Variants in STPG2 observed in about 807,000 individuals in gnomAD.
The protein encoded by STPG2 is sperm tail PG-rich repeat containing 2, also known as sperm-tail PG-rich repeat-containing protein 2.
STPG2 carries 56 observed loss-of-function variants against 54.2 expected under a neutral mutation model. That is an observed-to-expected ratio of 1.03 (90% CI 0.83 to 1.29). The LOEUF (loss-of-function observed/expected upper bound fraction) is 1.29. Among genes scored for constraint, STPG2 ranks in the 50% most tolerant of loss-of-function variants. The probability of loss-of-function intolerance (pLI) is 0.00; values close to 1 mark genes in which losing one functional copy is unlikely to be tolerated. For missense variants in STPG2, 596 were observed against 544.9 expected (o/e 1.09, Z -0.93); for synonymous variants, 200 against 181.8 (o/e 1.10, Z -0.81).
intron 9 of STPG2, among the ~76,000 whole-genome samples, chr4:97,729,283 A>C (rs1036813224): frequency 4.6e-5 from 7 of 152,006 alleles, no homozygotes; most frequent in Admixed American, 1.3e-4. Flanking sequence ...GCTATCTTTC[A>C]GATTTGGAGA....
chr4:97,538,689 G>C (rs1300286514), intron 4 of STPG2, among the ~76,000 whole-genome samples: 1 of 152,104 alleles, frequency 6.6e-6, no homozygotes, highest in African/African-American at 2.4e-5. Flanking sequence ...GAAATACAGA[G>C]AATGCCACAA....
chr4:97,979,710 GCCT>G (rs1292750436), intron 6 of STPG2, among the ~76,000 whole-genome samples: 5 of 151,628 alleles, frequency 3.3e-5, no homozygotes, highest in Admixed American at 6.6e-5. Flanking sequence ...ACGAAATGAG[GCCT>G]CATTTCCACA....
intron 8 of STPG2, among the ~76,000 whole-genome samples, chr4:97,854,982 T>G (rs1273060790): frequency 6.6e-6 from 1 of 152,204 alleles, no homozygotes; most frequent in Non-Finnish European, 1.5e-5. Flanking sequence ...AGCTCCCACT[T>G]ACAAGTGAGA....
intron 8 of STPG2, among the ~76,000 whole-genome samples, chr4:97,940,687 C>T (rs945139588): frequency 1.3e-5 from 2 of 152,110 alleles, no homozygotes; most frequent in African/African-American, 2.4e-5. Flanking sequence ...CTATTTCATC[C>T]TTCAGCTCCT....
chr4:98,036,496 G>A (rs778570743), intron 5 of STPG2, among the ~76,000 whole-genome samples: 2 of 151,996 alleles, frequency 1.3e-5, no homozygotes, highest in East Asian at 1.9e-4. Flanking sequence ...ACAAGATCAT[G>A]TCCTTTGCAG....
intron 9 of STPG2, among the ~76,000 whole-genome samples, chr4:97,800,780 T>A (rs1727369024): frequency 6.6e-6 from 1 of 152,052 alleles, no homozygotes; most frequent in South Asian, 2.1e-4. Context: ...ACCCCCAGAG[T>A]TGGAGTCTAC....
intron 5 of STPG2, among the ~76,000 whole-genome samples, chr4:98,067,869 G>T (rs1055076998): frequency 6.6e-6 from 1 of 152,000 alleles, no homozygotes; most frequent in Non-Finnish European, 1.5e-5. Context: ...TCATTCTTAA[G>T]TCTCTGTAGT....
intron 9 of STPG2, among the ~76,000 whole-genome samples, chr4:97,756,803 C>A (rs897367441): frequency 1.3e-5 from 2 of 152,004 alleles, no homozygotes; most frequent in African/African-American, 4.8e-5. Context: ...TGATTGCAGG[C>A]CACTGATTTC....
intron 8 of STPG2, among the ~76,000 whole-genome samples, chr4:97,849,940 T>C (rs1578619809): frequency 6.6e-6 from 1 of 152,198 alleles, no homozygotes; most frequent in African/African-American, 2.4e-5. Context: ...CAAAGGATTA[T>C]AAATCATGCT....
At chr4:97,462,347 G>A (rs556042403) in intron 4 of STPG2, among the ~76,000 whole-genome samples, 101 of 151,714 alleles carry the variant, frequency 6.7e-4, no homozygotes, top group African/African-American at 2.4e-3. Flanking sequence ...AATTCTCTAA[G>A]CTATTTTCTT....
At chr4:97,866,506 G>C (rs1249412120) in intron 8 of STPG2, among the ~76,000 whole-genome samples, 1 of 141,224 alleles carries the variant, frequency 7.1e-6, no homozygotes, top group Non-Finnish European at 1.5e-5. Context: ...TTCAGAAAGG[G>C]TCTATTAGGG....
intron 8 of STPG2, among the ~76,000 whole-genome samples, chr4:97,866,534 A>AG (rs1371754107): frequency 6.0e-5 from 9 of 151,260 alleles, no homozygotes; most frequent in Non-Finnish European, 1.2e-4. Flanking sequence ...TTTTTGAAAA[A>AG]AATCTGTTTT....
intron 5 of STPG2, among the ~76,000 whole-genome samples, chr4:98,000,666 A>G (rs1735385592): frequency 6.6e-6 from 1 of 152,228 alleles, no homozygotes; most frequent in South Asian, 2.1e-4. Flanking sequence ...AAATTTAAAC[A>G]AAATCACATA....
intron 5 of STPG2, among the ~76,000 whole-genome samples, chr4:98,088,721 C>T (rs543177220): frequency 5.3e-5 from 8 of 150,714 alleles, no homozygotes; most frequent in African/African-American, 1.9e-4. Context: ...TTATTCTCTG[C>T]CTTCCATCTC....
intron 10 of STPG2, among the ~76,000 whole-genome samples, chr4:97,622,205 G>C (rs1734030050): frequency 1.3e-5 from 2 of 152,084 alleles, no homozygotes; most frequent in Non-Finnish European, 2.9e-5. Context: ...CATTCCCCTT[G>C]AATACTGGAA....
chr4:97,899,709 C>T (rs1186200094), intron 8 of STPG2, among the ~76,000 whole-genome samples: 2 of 152,044 alleles, frequency 1.3e-5, no homozygotes, highest in Non-Finnish European at 2.9e-5. Flanking sequence ...CTGACAAAAA[C>T]ATGCAATGGG....
chr4:98,135,598 TA>T (rs1740114740), intron 1 of STPG2, among the ~76,000 whole-genome samples: 1 of 151,812 alleles, frequency 6.6e-6, no homozygotes, highest in African/African-American at 2.4e-5. Context: ...TGGATGATGT[TA>T]AAATTCAAGG....
chr4:97,947,013 G>C (rs1307187327), intron 7 of STPG2, among the ~76,000 whole-genome samples: 1 of 152,018 alleles, frequency 6.6e-6, no homozygotes, highest in Admixed American at 6.6e-5. Context: ...ATTGATTCTT[G>C]CAATCCGTGA....
intron 4 of STPG2, among the ~76,000 whole-genome samples, chr4:97,486,586 G>C (rs915059825): frequency 2.6e-5 from 4 of 151,560 alleles, no homozygotes; most frequent in Non-Finnish European, 5.9e-5. Flanking sequence ...AATTAGTACA[G>C]CCACTATGGA....
Sources: gnomAD v4.1 joint callset for allele counts (sites outside exome capture counted in the v4.1 genomes callset) on GRCh38, gnomAD v4.1.1 for gene constraint, MANE v1.5 for transcripts, NCBI Gene and HGNC (gene_info 2026-07-23, HGNC 2026-07-21) for gene names.